The following FAM167A variants were observed in gnomAD, a reference collection of about 807,000 sequenced individuals.
FAM167A encodes the protein protein FAM167A.
Under a neutral mutation model 14.9 loss-of-function variants are expected in FAM167A, and 23 were observed. The ratio of observed to expected loss-of-function variants is 1.55; its 90% CI spans 1.11 to 2.19. The LOEUF is 2.19. Ranked by LOEUF, FAM167A falls within the 30% of genes most tolerant of loss-of-function variation. The probability of loss-of-function intolerance (pLI) is 0.00; values close to 1 mark genes in which losing one functional copy is unlikely to be tolerated. For missense variants in FAM167A, 401 were observed against 281.5 expected, an observed-to-expected ratio of 1.42 and a Z score of -3.04; for synonymous variants, 174 against 117.7, an observed-to-expected ratio of 1.48 and a Z score of -3.10.
intron 2 of FAM167A, among the ~76,000 whole-genome samples, chr8:11,430,332 C>T (rs1041853310): frequency 5.3e-5 from 8 of 152,192 alleles, no homozygotes; most frequent in African/African-American, 7.2e-5. Flanking sequence ...AAGGGAAGGG[C>T]GGCAGCCACA....
At chr8:11,452,741 C>T (rs1473293426) in intron 1 of FAM167A, among the ~76,000 whole-genome samples, 2 of 152,200 alleles carry the variant, frequency 1.3e-5, no homozygotes, top group Non-Finnish European at 2.9e-5. Flanking sequence ...ACGTGACGGC[C>T]TGAGATCCTG....
intron 1 of FAM167A, among the ~76,000 whole-genome samples, chr8:11,448,067 G>A (rs1408155151): frequency 2.0e-5 from 3 of 152,136 alleles, no homozygotes; most frequent in African/African-American, 4.8e-5. Flanking sequence ...AGTGGCGCAC[G>A]CCTGTAATCC....
At chr8:11,440,227 G>C (rs975168966) in intron 2 of FAM167A, among the ~76,000 whole-genome samples, 2 of 152,206 alleles carry the variant, frequency 1.3e-5, no homozygotes, top group Non-Finnish European at 2.9e-5. Context: ...CACAGCCAGA[G>C]AGCCACACAT....
chr8:11,461,700 A>G (rs1453576948), intron 1 of FAM167A, among the ~76,000 whole-genome samples: 2 of 152,250 alleles, frequency 1.3e-5, no homozygotes, highest in Non-Finnish European at 2.9e-5. Context: ...AGGCAGATCT[A>G]GGACTATTTG....
At chr8:11,452,612 C>G (rs1480786239) in intron 1 of FAM167A, among the ~76,000 whole-genome samples, 1 of 152,204 alleles carries the variant, frequency 6.6e-6, no homozygotes, top group Non-Finnish European at 1.5e-5. Context: ...CACGAGGTTG[C>G]CTCGGGTCTG....
rs1804883717 is a variant in FAM167A at position 11,423,217 on chromosome 8, T to C, written c.*1156A>G. 1 of 152,214 alleles carries C rather than the reference T, an allele frequency of 6.6e-6. No individual in the cohort carries two copies. Among genetic ancestry groups the C allele is most frequent in the Non-Finnish European group, 1.5e-5 (1 of 68,008 alleles). 9.4% of individuals were successfully genotyped at this position (152,214 alleles called of 1,614,324 possible). On this transcript the variant is annotated 3_prime_UTR_variant, in exon 3 of 3. Coordinates refer to ENST00000284486, the MANE Select transcript of FAM167A (RefSeq NM_053279.3). ...TGGCCGAGGGACCCCTGCCATGCCG[T>C]ATGACCCCAGACTGACCTCCCTAAC...
chr8:11,461,220 G>A (rs1230206392), intron 1 of FAM167A, among the ~76,000 whole-genome samples: 1 of 152,230 alleles, frequency 6.6e-6, no homozygotes, highest in African/African-American at 2.4e-5. Context: ...AGGCTGCGGG[G>A]CTCTGGGAAA....
rs1412473737 is a variant in FAM167A, at chr8:11,422,173, C to T, written c.*2200G>A. On this transcript the variant is annotated 3_prime_UTR_variant, in exon 3 of 3. Transcript: ENST00000284486. ...CCCAAGCAACTAAATCACTCAGTTG[C>T]ATCCAACTTAATTGGACTGACTACA... The T allele has an allele frequency of 4.5e-6, 1 of 220,628 alleles. No individual in the cohort carries two copies. The highest frequency in any genetic ancestry group is 8.8e-6 in the Non-Finnish European group (1 of 113,302). The allele number at this position is 220,628 out of a possible 1,614,324, so 13.7% of individuals were successfully genotyped here. A position where few individuals can be genotyped will look rare whatever the true frequency, so the allele number is the denominator to read the frequency against.
At chr8:11,434,772 G>A (rs1805881408) in intron 2 of FAM167A, 1 of 319,448 alleles carries the variant, frequency 3.1e-6, no homozygotes, top group Admixed American at 4.1e-5. Flanking sequence ...ACTCTGGACA[G>A]GTGGCATGTG....
intron 1 of FAM167A, among the ~76,000 whole-genome samples, chr8:11,449,188 C>T (rs1391869556): frequency 6.6e-6 from 1 of 152,228 alleles, no homozygotes; most frequent in African/African-American, 2.4e-5. Flanking sequence ...GAGCACTGTC[C>T]CCCTGGGTGC....
intron 2 of FAM167A, among the ~76,000 whole-genome samples, chr8:11,428,413 G>A (rs1277983787): frequency 5.3e-5 from 8 of 152,254 alleles, no homozygotes; most frequent in Admixed American, 2.6e-4. Context: ...CCTGGATGGC[G>A]TTGCCTCGCA....
intron 1 of FAM167A, among the ~76,000 whole-genome samples, chr8:11,474,257 G>A (rs778165524): frequency 6.6e-5 from 10 of 152,194 alleles, no homozygotes; most frequent in African/African-American, 9.7e-5. Flanking sequence ...ACTCATTCTG[G>A]TACCAGGCAC....
intron 2 of FAM167A, among the ~76,000 whole-genome samples, chr8:11,427,095 C>T (rs1273218036): frequency 6.6e-6 from 1 of 152,168 alleles, no homozygotes; most frequent in Non-Finnish European, 1.5e-5. Flanking sequence ...GCTATCTTAT[C>T]TAGAAATAAA....
In FAM167A at chr8:11,423,089, C is replaced by CG. The variant is rs1384563417; in HGVS notation, c.*1283_*1284insC. 3.9e-5 allele frequency: 6 copies of CG among 152,602 alleles called. No homozygotes were observed. Among genetic ancestry groups the CG allele is most frequent in the African/African-American group, 1.4e-4 (6 of 41,446 alleles). The allele number at this position is 152,602 out of a possible 1,614,324, so 9.5% of individuals were successfully genotyped here. ...ACAGCTGTGCAACCTGAGGGAAGTC[C>CG]TTCTCCTCCCCCAGGTTTCACTTTG... On this transcript the variant is annotated 3_prime_UTR_variant, in exon 3 of 3. Transcript: ENST00000284486.
intron 1 of FAM167A, among the ~76,000 whole-genome samples, chr8:11,473,796 C>G (rs1797786061): frequency 2.0e-5 from 3 of 152,164 alleles, no homozygotes. Context: ...CTAGAAAATG[C>G]CTGACAGTCT....
chr8:11,437,493 A>G (rs1475264164), intron 2 of FAM167A, among the ~76,000 whole-genome samples: 2 of 152,232 alleles, frequency 1.3e-5, no homozygotes, highest in Non-Finnish European at 2.9e-5. Flanking sequence ...TGGTTTACCT[A>G]AAGGCACACA....
intron 2 of FAM167A, among the ~76,000 whole-genome samples, chr8:11,431,726 T>A (rs1188386343): frequency 4.0e-5 from 6 of 151,098 alleles, no homozygotes; most frequent in Non-Finnish European, 1.5e-5. Flanking sequence ...TGCTGGGGAA[T>A]GGGGGCCCAG....
chr8:11,433,208 AAAAAAT>A (rs1317824304), intron 2 of FAM167A, among the ~76,000 whole-genome samples: 1 of 151,742 alleles, frequency 6.6e-6, no homozygotes. Context: ...GTATGATAAA[AAAAAAT>A]AAAAAATAAA....
chr8:11,436,252 G>C (rs1352198841), intron 2 of FAM167A, among the ~76,000 whole-genome samples: 1 of 152,194 alleles, frequency 6.6e-6, no homozygotes, highest in African/African-American at 2.4e-5. Context: ...ACTCAGGGGT[G>C]TCCTTAGCTT....
Sources: allele counts gnomAD v4.1 joint callset (sites outside exome capture counted in the v4.1 genomes callset), GRCh38; gene constraint gnomAD v4.1.1; transcripts MANE v1.5; gene names NCBI Gene and HGNC (gene_info 2026-07-23, HGNC 2026-07-21).